NSMCE2: variants seen among roughly 807,000 people sequenced by gnomAD.
NSMCE2 encodes the protein E3 SUMO-protein ligase NSE2.
NSMCE2 carries 24 observed loss-of-function variants against 23.8 expected under a neutral mutation model. The observed-to-expected ratio is 1.01, with a 90% CI of 0.73 to 1.42. The LOEUF (loss-of-function observed/expected upper bound fraction) is 1.42. NSMCE2 is among the 40% of genes most tolerant of loss of function. NSMCE2 has a pLI of 0.00. For missense variants in NSMCE2, 284 were observed against 296.5 expected, an observed-to-expected ratio of 0.96 and a Z score of 0.31; for synonymous variants, 92 against 94.1, an observed-to-expected ratio of 0.98 and a Z score of 0.13.
chr8:125,326,341 A>G (rs1442352097), intron 5 of NSMCE2, among the ~76,000 whole-genome samples: 2 of 152,332 alleles, frequency 1.3e-5, no homozygotes, highest in East Asian at 3.9e-4. Context: ...ATAAATTATT[A>G]GATGTAAAAA....
chr8:125,344,856 A>G (rs1011385735), intron 5 of NSMCE2, among the ~76,000 whole-genome samples: 18 of 152,022 alleles, frequency 1.2e-4, no homozygotes, highest in Non-Finnish European at 2.6e-4. Flanking sequence ...TTTAATAACT[A>G]TCAGATTTTT....
chr8:125,262,278 A>G (rs1386731185), intron 5 of NSMCE2, among the ~76,000 whole-genome samples: 1 of 151,940 alleles, frequency 6.6e-6, no homozygotes, highest in Non-Finnish European at 1.5e-5. Flanking sequence ...ACAAAAAATT[A>G]GCCGGGCGTG....
At chr8:125,269,390 C>G (rs1379553021) in intron 5 of NSMCE2, among the ~76,000 whole-genome samples, 1 of 152,176 alleles carries the variant, frequency 6.6e-6, no homozygotes, top group East Asian at 1.9e-4. Flanking sequence ...CCAGCCGACT[C>G]TTTAACTGAG....
At chr8:125,354,212 G>A (rs1348835661) in intron 5 of NSMCE2, among the ~76,000 whole-genome samples, 3 of 152,064 alleles carry the variant, frequency 2.0e-5, no homozygotes, top group Non-Finnish European at 4.4e-5. Flanking sequence ...GATTACAGGC[G>A]TGAGCCACCG....
At chr8:125,352,312 T>C (rs1813070157) in intron 5 of NSMCE2, among the ~76,000 whole-genome samples, 1 of 151,966 alleles carries the variant, frequency 6.6e-6, no homozygotes, top group South Asian at 2.1e-4. Flanking sequence ...ACCCCGTCTC[T>C]ACTAAAAATA....
intron 1 of NSMCE2, 34 bp from the exon 2 acceptor site, chr8:125,102,017 T>A (rs1223709781): frequency 4.8e-6 from 1 of 206,334 alleles, no homozygotes; most frequent in Non-Finnish European, 9.8e-6. Context: ...CTTGTAGGCT[T>A]TTAAGAACTG....
chr8:125,328,651 A>G (rs1829764605), intron 5 of NSMCE2, among the ~76,000 whole-genome samples: 1 of 152,160 alleles, frequency 6.6e-6, no homozygotes, highest in Admixed American at 6.5e-5. Flanking sequence ...TGGTGCACAA[A>G]TTCTCAATGT....
At chr8:125,198,865 C>T (rs1006207396) in intron 5 of NSMCE2, among the ~76,000 whole-genome samples, 2 of 152,040 alleles carry the variant, frequency 1.3e-5, no homozygotes, top group Non-Finnish European at 1.5e-5. Flanking sequence ...CAATTTCAGA[C>T]CCTGTTATTG....
chr8:125,133,126 A>T (rs532182382), intron 3 of NSMCE2, among the ~76,000 whole-genome samples: 1 of 152,336 alleles, frequency 6.6e-6, no homozygotes, highest in Non-Finnish European at 1.5e-5. Context: ...TTAGATTTTT[A>T]AAATCCATTT....
At chr8:125,224,195 T>C (rs928122577) in intron 5 of NSMCE2, among the ~76,000 whole-genome samples, 1 of 152,196 alleles carries the variant, frequency 6.6e-6, no homozygotes, top group Admixed American at 6.5e-5. Context: ...TTGAGTTCCT[T>C]ATGTATTTTG....
In NSMCE2 at chr8:125,101,692, A is replaced by C. The variant is rs995556187; in HGVS notation, c.-110-359A>C. Among the ~76,000 whole-genome samples, 31 of 152,324 alleles carry C rather than the reference A, an allele frequency of 2.0e-4. 1 individual carries two copies. The highest frequency in any genetic ancestry group is 3.4e-3 in the Middle Eastern group (1 of 294). ...TTGTGGTTGAAGATATAGATTAGGA[A>C]GTGTTAAATATGAAGGTAATAACTG... On this transcript the variant is annotated intron_variant, in intron 1 of 7. Coordinates refer to ENST00000287437, the MANE Select transcript of NSMCE2 (RefSeq NM_173685.4).
chr8:125,131,062 A>G (rs1819751290), intron 3 of NSMCE2, among the ~76,000 whole-genome samples: 1 of 152,128 alleles, frequency 6.6e-6, no homozygotes, highest in South Asian at 2.1e-4. Context: ...TTTGTTCTCC[A>G]CTTCCTTCAG....
At chr8:125,171,427 G>T (rs1452908581) in intron 4 of NSMCE2, among the ~76,000 whole-genome samples, 1 of 152,122 alleles carries the variant, frequency 6.6e-6, no homozygotes, top group Non-Finnish European at 1.5e-5. Context: ...CTCCAATACT[G>T]AGCTCTTCAA....
At chr8:125,296,371 C>G (rs1586732848) in intron 5 of NSMCE2, among the ~76,000 whole-genome samples, 1 of 146,502 alleles carries the variant, frequency 6.8e-6, no homozygotes, top group South Asian at 2.1e-4. Context: ...TGGCTGTAGT[C>G]AAATTGTTGT....
At chr8:125,199,693 T>C (rs1470638597) in intron 5 of NSMCE2, among the ~76,000 whole-genome samples, 1 of 152,166 alleles carries the variant, frequency 6.6e-6, no homozygotes, top group Non-Finnish European at 1.5e-5. Context: ...CTATTAGGTC[T>C]GCTTGGTGCA....
intron 5 of NSMCE2, among the ~76,000 whole-genome samples, chr8:125,210,406 T>C (rs1275953425): frequency 6.6e-6 from 1 of 152,230 alleles, no homozygotes; most frequent in Non-Finnish European, 1.5e-5. Flanking sequence ...AGAGAGCTCA[T>C]TGAGGGTGAT....
chr8:125,152,356 C>T (rs533405774), intron 4 of NSMCE2, among the ~76,000 whole-genome samples: 10 of 152,208 alleles, frequency 6.6e-5, no homozygotes, highest in South Asian at 2.1e-4. Flanking sequence ...CAATTTCAGC[C>T]GAACCCTAGA....
At position 125,253,998 on chromosome 8, in the gene NSMCE2, G is replaced by T. The variant is rs181598505; in HGVS notation, c.418+71742G>T. Among the ~76,000 whole-genome samples, 241 of 152,232 alleles carry T rather than the reference G, an allele frequency of 1.6e-3. 2 individuals are homozygous for T. Among genetic ancestry groups the T allele is most frequent in the South Asian group, 0.014 (66 of 4,808 alleles). ...AGGATGCTTCTCAAAAGGCCTAGAA[G>T]ATAACAAATATTTGTCTAAGTGTGT... On this transcript the variant is annotated intron_variant, in intron 5 of 7. Coordinates refer to ENST00000287437, the MANE Select transcript of NSMCE2 (RefSeq NM_173685.4).
intron 5 of NSMCE2, among the ~76,000 whole-genome samples, chr8:125,258,751 G>A (rs1394498213): frequency 6.6e-6 from 1 of 152,240 alleles, no homozygotes; most frequent in East Asian, 1.9e-4. Flanking sequence ...GGTTATGGGA[G>A]TGGCAATGTG....
Sources: gnomAD v4.1 joint callset for allele counts (sites outside exome capture counted in the v4.1 genomes callset) on GRCh38, gnomAD v4.1.1 for gene constraint, MANE v1.5 for transcripts, NCBI Gene and HGNC (gene_info 2026-07-23, HGNC 2026-07-21) for gene names.